Variants in ASAP1 observed in about 807,000 individuals in gnomAD.
The protein encoded by ASAP1 is arf-GAP with SH3 domain, ANK repeat and PH domain-containing protein 1.
Under a neutral mutation model 145.2 loss-of-function variants are expected in ASAP1, and 43 were observed. The observed-to-expected ratio is 0.30, with a 90% CI of 0.23 to 0.38. The LOEUF is 0.38. Ranked by LOEUF, ASAP1 falls within the 10% of genes least tolerant of loss-of-function variation. ASAP1 has a pLI of 1.00. For synonymous variants in ASAP1, 546 were observed against 515.5 expected (o/e 1.06, Z -0.80); for missense variants, 1,018 against 1,355.3 (o/e 0.75, Z 3.91).
At chr8:130,087,053 T>TA (rs1354183819) in intron 25 of ASAP1, among the ~76,000 whole-genome samples, 1 of 152,132 alleles carries the variant, frequency 6.6e-6, no homozygotes, top group African/African-American at 2.4e-5. Context: ...ACCTCCTTCT[T>TA]AAAGGTCAGC....
rs1176314887 is a variant in ASAP1 at position 130,214,635 on chromosome 8, C to T, written c.326G>A (p.Arg109Gln). The change falls in exon 5 of 30, where the codon CGA becomes CAA. Residue 109 changes from arginine (R) to glutamine (Q), a missense_variant. Physicochemically the swap from Arg to Gln is conservative, Grantham distance 43. Coordinates refer to ENST00000518721, the MANE Select transcript of ASAP1 (RefSeq NM_018482.4). ...LDKFGSNFLS[R>Q]DNPDLGTAFV... ...CGCGGTGCCAAGGTCGGGGTTGTCT[C>T]GACTTAAAAAATTACTCCCAAACTT... 1.2e-6 allele frequency: 2 copies of T among 1,611,936 alleles called. No individual in the cohort carries two copies. Among genetic ancestry groups the T allele is most frequent in the Non-Finnish European group, 1.7e-6 (2 of 1,178,828 alleles).
chr8:130,268,490 A>AACACACAC (rs113714700), intron 3 of ASAP1, among the ~76,000 whole-genome samples: 3,956 of 133,106 alleles, frequency 0.03, 70 homozygotes, highest in East Asian at 0.063. Flanking sequence ...CCCGTCTTAA[A>AACACACAC]ACACACACAC....
intron 5 of ASAP1, among the ~76,000 whole-genome samples, chr8:130,200,098 C>T (rs1036707581): frequency 3.9e-5 from 6 of 152,236 alleles, no homozygotes; most frequent in Admixed American, 3.9e-4. Context: ...CTTCTTGACT[C>T]TTAAATGACA....
At chr8:130,097,185 C>T (rs180898167) in intron 24 of ASAP1, among the ~76,000 whole-genome samples, 1 of 135,914 alleles carries the variant, frequency 7.4e-6, no homozygotes, top group East Asian at 2.4e-4. Context: ...GTATTGTGGA[C>T]ACCCACTGGT....
chr8:130,216,286 T>C (rs754762586), intron 4 of ASAP1, among the ~76,000 whole-genome samples: 2 of 152,248 alleles, frequency 1.3e-5, no homozygotes, highest in Non-Finnish European at 2.9e-5. Flanking sequence ...CTGCAAAATG[T>C]TCAGAATTGG....
chr8:130,394,288 C>G (rs1039778193), intron 2 of ASAP1, among the ~76,000 whole-genome samples: 2 of 152,064 alleles, frequency 1.3e-5, no homozygotes, highest in African/African-American at 4.8e-5. Context: ...GAGAATGCGC[C>G]CCTGAGGGTA....
intron 24 of ASAP1, among the ~76,000 whole-genome samples, chr8:130,107,776 T>C (rs946114078): frequency 4.6e-5 from 7 of 152,194 alleles, no homozygotes; most frequent in Non-Finnish European, 1.0e-4. Context: ...CTCGAACTCC[T>C]GACCTCAGGT....
intron 12 of ASAP1, among the ~76,000 whole-genome samples, chr8:130,155,815 CAG>C (rs2097657333): frequency 2.0e-5 from 3 of 152,240 alleles, no homozygotes; most frequent in South Asian, 2.1e-4. Context: ...CTGGTGCTCA[CAG>C]AGAGTGCCAC....
At chr8:130,344,799 C>T (rs1417996902) in intron 3 of ASAP1, among the ~76,000 whole-genome samples, 1 of 152,042 alleles carries the variant, frequency 6.6e-6, no homozygotes, top group Non-Finnish European at 1.5e-5. Flanking sequence ...AAGTAAAAAA[C>T]CACTTGGAGG....
chr8:130,111,854 C>T (rs2097547416), intron 24 of ASAP1, among the ~76,000 whole-genome samples: 1 of 152,166 alleles, frequency 6.6e-6, no homozygotes, highest in Admixed American at 6.5e-5. Flanking sequence ...ACATACTTCA[C>T]AGGATTGTTG....
At chr8:130,286,165 ACAGTATCAAATGG>A (rs985601366) in intron 3 of ASAP1, among the ~76,000 whole-genome samples, 1 of 152,218 alleles carries the variant, frequency 6.6e-6, no homozygotes, top group Non-Finnish European at 1.5e-5. Context: ...TCAAGTTCTC[ACAGTATCAAATGG>A]CAGAGTAGGT....
At chr8:130,302,833 A>G (rs1487626841) in intron 3 of ASAP1, among the ~76,000 whole-genome samples, 1 of 152,238 alleles carries the variant, frequency 6.6e-6, no homozygotes, top group African/African-American at 2.4e-5. Context: ...GGAGAAAACT[A>G]TGAAGAAATA....
Position 130,169,005 on chromosome 8 carries a change from G to A in ASAP1, c.809C>T (p.Ala270Val). The A allele has an allele frequency of 1.3e-6, 2 of 1,571,702 alleles. No homozygotes were observed. The highest frequency in any genetic ancestry group is 1.7e-6 in the Non-Finnish European group (2 of 1,161,832). ...KLKQYIEKLA[A>V]DLYNIKQTQD... ...TAAAGAACTTACATTATATAAATCA[G>A]CAGCCAGTTTTTCAATGTACTGTTT... The change falls in exon 10 of 30, where the codon GCT becomes GTT. Residue 270 changes from alanine to valine, a missense_variant. Around this residue, in one of 9 missense-constraint regions of ASAP1, gnomAD observed 62 missense variants for 68.5 expected, o/e 0.90. Coordinates refer to ENST00000518721, the MANE Select transcript of ASAP1 (RefSeq NM_018482.4).
At chr8:130,284,731 G>C (rs1821491019) in intron 3 of ASAP1, among the ~76,000 whole-genome samples, 1 of 151,850 alleles carries the variant, frequency 6.6e-6, no homozygotes, top group Non-Finnish European at 1.5e-5. Flanking sequence ...CACTGACAAA[G>C]CATGACAGCT....
intron 5 of ASAP1, among the ~76,000 whole-genome samples, chr8:130,213,451 G>T (rs745347992): frequency 1.3e-5 from 2 of 152,152 alleles, no homozygotes; most frequent in Non-Finnish European, 2.9e-5. Context: ...ATCTTCATCT[G>T]TAAACTAACC....
chr8:130,333,303 A>T (rs1210680559), intron 3 of ASAP1, among the ~76,000 whole-genome samples: 1 of 152,192 alleles, frequency 6.6e-6, no homozygotes, highest in African/African-American at 2.4e-5. Flanking sequence ...TTATTTCTAT[A>T]GTAAAAAGGC....
chr8:130,439,923 T>C (rs1190561716), intron 1 of ASAP1, among the ~76,000 whole-genome samples: 1 of 152,200 alleles, frequency 6.6e-6, no homozygotes, highest in East Asian at 1.9e-4. Flanking sequence ...AAATTTAGGA[T>C]GGCTGATACA....
chr8:130,129,402 G>C (rs1564993524), intron 15 of ASAP1, among the ~76,000 whole-genome samples: 1 of 152,152 alleles, frequency 6.6e-6, no homozygotes, highest in Non-Finnish European at 1.5e-5. Flanking sequence ...ACTGATAGAG[G>C]AATTGCCCGA....
intron 4 of ASAP1, among the ~76,000 whole-genome samples, chr8:130,224,688 A>G (rs1222911507): frequency 6.6e-6 from 1 of 152,212 alleles, no homozygotes; most frequent in East Asian, 1.9e-4. Context: ...AAGTAAATCT[A>G]ATTATTTTAA....
Sources: gnomAD v4.1 joint callset for allele counts (sites outside exome capture counted in the v4.1 genomes callset) on GRCh38, gnomAD v4.1.1 for gene constraint, gnomAD v4.1.1 regional missense constraint, MANE v1.5 for transcripts, NCBI Gene and HGNC (gene_info 2026-07-23, HGNC 2026-07-21) for gene names.